The following SLIT3 variants were observed in gnomAD, a reference collection of about 807,000 sequenced individuals.
The protein encoded by SLIT3 is slit guidance ligand 3, also known as slit homolog 3 protein.
In SLIT3, 68 loss-of-function variants were observed where a neutral mutation model predicts 184.0. That is an observed-to-expected ratio of 0.37 (90% CI 0.30 to 0.45). The LOEUF (loss-of-function observed/expected upper bound fraction) is 0.45, where lower values mean the gene tolerates loss of function less well. Ranked by LOEUF, SLIT3 falls within the 20% of genes least tolerant of loss-of-function variation. The pLI is 1.00. For synonymous variants in SLIT3, 831 were observed against 828.6 expected (o/e 1.00, Z -0.05); for missense variants, 1,707 against 2,026.0 (o/e 0.84, Z 3.02).
intron 4 of SLIT3, among the ~76,000 whole-genome samples, chr5:168,975,641 TA>T (rs1754728579): frequency 6.6e-6 from 1 of 152,194 alleles, no homozygotes; most frequent in Non-Finnish European, 1.5e-5. Flanking sequence ...AAATAAATTT[TA>T]AGCATCTTTG....
chr5:168,760,855 G>C lies in SLIT3; in HGVS notation c.1685+7C>G. The C allele has an allele frequency of 1.9e-6, 3 of 1,608,878 alleles. No individual in the cohort carries two copies. In the South Asian group the frequency reaches 3.3e-5, roughly 18 times the overall value. On this transcript the variant is annotated splice_region_variant and intron_variant, in intron 16 of 35. Coordinates refer to ENST00000519560, the MANE Select transcript of SLIT3 (RefSeq NM_003062.4). The stretch of plus-strand genomic sequence containing the variant: ...AGGCTGCTGCCAAGTTCCTGAAGTT[G>C]ACTTACATTTTCCGCAGGTTGGGCA...
At chr5:168,977,822 A>C (rs1754818579) in intron 4 of SLIT3, among the ~76,000 whole-genome samples, 1 of 152,148 alleles carries the variant, frequency 6.6e-6, no homozygotes, top group Non-Finnish European at 1.5e-5. Context: ...GCCAAAAGAC[A>C]TGGCTGTATC....
At chr5:168,902,403 G>A (rs1023391348) in intron 4 of SLIT3, among the ~76,000 whole-genome samples, 3 of 152,220 alleles carry the variant, frequency 2.0e-5, no homozygotes, top group Non-Finnish European at 2.9e-5. Flanking sequence ...GTTACGTGCT[G>A]TAAAGAAGTA....
At chr5:168,765,010 G>A (rs531881539) in intron 14 of SLIT3, among the ~76,000 whole-genome samples, 57 of 152,290 alleles carry the variant, frequency 3.7e-4, no homozygotes, top group African/African-American at 1.3e-3. Context: ...GTGATGGCAC[G>A]AAGGGGCATT....
At chr5:169,088,823 C>A (rs914185683) in intron 4 of SLIT3, among the ~76,000 whole-genome samples, 1 of 151,776 alleles carries the variant, frequency 6.6e-6, no homozygotes, top group East Asian at 1.9e-4. Context: ...AGTTCAAGAC[C>A]AGCCTGGCCA....
chr5:169,283,904 G>C (rs1767072301), intron 1 of SLIT3, among the ~76,000 whole-genome samples: 1 of 152,100 alleles, frequency 6.6e-6, no homozygotes, highest in African/African-American at 2.4e-5. Context: ...GGTAAGGTTG[G>C]GGCTCCTGGG....
intron 1 of SLIT3, among the ~76,000 whole-genome samples, chr5:169,266,207 C>T (rs1193052138): frequency 6.6e-6 from 1 of 152,180 alleles, no homozygotes; most frequent in African/African-American, 2.4e-5. Flanking sequence ...AAAATGGCTC[C>T]TCCAATCACC....
At chr5:168,733,220 A>C (rs1360603124) in intron 20 of SLIT3, among the ~76,000 whole-genome samples, 1 of 152,172 alleles carries the variant, frequency 6.6e-6, no homozygotes, top group Non-Finnish European at 1.5e-5. Context: ...GAAAAATGCC[A>C]ATCAGAACCA....
chr5:169,207,370 T>TACATACACAC (rs1262446357), intron 3 of SLIT3, among the ~76,000 whole-genome samples: 20 of 131,864 alleles, frequency 1.5e-4, no homozygotes, highest in African/African-American at 5.5e-4. Context: ...TACACATACA[T>TACATACACAC]ACACACACAC....
chr5:168,668,567 A>T (rs1409564170), intron 35 of SLIT3, among the ~76,000 whole-genome samples: 8 of 152,196 alleles, frequency 5.3e-5, no homozygotes, highest in Non-Finnish European at 1.2e-4. Flanking sequence ...TTAGAATCTT[A>T]ACTTTGGCAG....
chr5:169,108,461 C>T (rs1360210881), intron 4 of SLIT3, among the ~76,000 whole-genome samples: 1 of 152,154 alleles, frequency 6.6e-6, no homozygotes, highest in Non-Finnish European at 1.5e-5. Flanking sequence ...TTCCTCCAGG[C>T]TAGGGAAGAA....
chr5:168,996,904 G>A (rs1561596805), intron 4 of SLIT3, among the ~76,000 whole-genome samples: 1 of 152,128 alleles, frequency 6.6e-6, no homozygotes, highest in African/African-American at 2.4e-5. Flanking sequence ...GTGATGTGTG[G>A]GAGAATGTGG....
At chr5:168,767,620 T>G (rs1755390679) in intron 14 of SLIT3, among the ~76,000 whole-genome samples, 2 of 152,246 alleles carry the variant, frequency 1.3e-5, no homozygotes, top group South Asian at 4.1e-4. Context: ...AGAAGGAACC[T>G]TGGGTTAAAC....
Position 168,979,643 on chromosome 5 carries a change from G to A in SLIT3, c.414-96307C>T, listed in dbSNP as rs1016855558. Among the ~76,000 whole-genome samples, 7 of 152,168 alleles carry A rather than the reference G, an allele frequency of 4.6e-5. No individual in the cohort carries two copies. The East Asian group carries it at 9.6e-4, about 21-fold the overall frequency. ...CTCTCCACAGCCTGGAGAATGGGGTGTGTGTTTAACAGAAGGGGGCTGGGG... is the reference window on the plus strand; with the variant it reads ...CTCTCCACAGCCTGGAGAATGGGGTATGTGTTTAACAGAAGGGGGCTGGGG... On this transcript the variant is annotated intron_variant, in intron 4 of 35. Transcript: ENST00000519560.
intron 4 of SLIT3, among the ~76,000 whole-genome samples, chr5:168,933,927 T>A (rs772477142): frequency 2.0e-5 from 3 of 152,108 alleles, no homozygotes; most frequent in African/African-American, 4.8e-5. Flanking sequence ...AAGGAGTTCA[T>A]CCTTCATTTA....
chr5:169,068,510 A>G (rs1160727825), intron 4 of SLIT3, among the ~76,000 whole-genome samples: 1 of 152,198 alleles, frequency 6.6e-6, no homozygotes, highest in East Asian at 1.9e-4. Flanking sequence ...TTCGTTTAAG[A>G]TGGGCTGCAT....
intron 4 of SLIT3, among the ~76,000 whole-genome samples, chr5:168,888,685 C>G (rs1031794064): frequency 2.0e-5 from 3 of 152,128 alleles, no homozygotes; most frequent in African/African-American, 7.2e-5. Context: ...TGCACTGAGA[C>G]CAATGTGGTG....
intron 4 of SLIT3, among the ~76,000 whole-genome samples, chr5:168,938,565 T>C (rs1239000925): frequency 6.6e-6 from 1 of 152,194 alleles, no homozygotes; most frequent in Non-Finnish European, 1.5e-5. Context: ...ATTCAGGGTA[T>C]TTAGATACAG....
chr5:169,027,603 G>A (rs531698059), intron 4 of SLIT3, among the ~76,000 whole-genome samples: 72 of 152,194 alleles, frequency 4.7e-4, no homozygotes, highest in African/African-American at 1.5e-3. Context: ...TCAACTCTCC[G>A]CCGTGACCCA....
Sources: allele counts gnomAD v4.1 joint callset (sites outside exome capture counted in the v4.1 genomes callset), GRCh38; gene constraint gnomAD v4.1.1; transcripts MANE v1.5; gene names NCBI Gene and HGNC (gene_info 2026-07-23, HGNC 2026-07-21).